The following MYBL2 variants were observed in gnomAD, a reference collection of about 807,000 sequenced individuals.
The protein encoded by MYBL2 is myb-related protein B.
MYBL2 carries 28 observed loss-of-function variants against 79.9 expected under a neutral mutation model. That is an observed-to-expected ratio of 0.35 (90% CI 0.26 to 0.48). The LOEUF (loss-of-function observed/expected upper bound fraction) is 0.48. Among genes scored for constraint, MYBL2 ranks in the 20% least tolerant of loss-of-function variants. The probability of loss-of-function intolerance (pLI) is 0.99; values close to 1 mark genes in which losing one functional copy is unlikely to be tolerated. For missense variants in MYBL2, 735 were observed against 893.9 expected (o/e 0.82, Z 2.27); for synonymous variants, 378 against 361.2 (o/e 1.05, Z -0.53).
At chr20:43,696,274 C>G (rs965988544) in intron 6 of MYBL2, among the ~76,000 whole-genome samples, 4 of 150,626 alleles carry the variant, frequency 2.7e-5, no homozygotes, top group African/African-American at 9.8e-5. Context: ...GAGTTTTGCT[C>G]TTGTTGCCCA....
intron 5 of MYBL2, among the ~76,000 whole-genome samples, chr20:43,688,843 G>A (rs1226498434): frequency 6.6e-6 from 1 of 152,074 alleles, no homozygotes; most frequent in East Asian, 1.9e-4. Flanking sequence ...AGGCTGGAGT[G>A]TAGTGGCATG....
intron 2 of MYBL2, among the ~76,000 whole-genome samples, chr20:43,678,558 C>T (rs1026823108): frequency 1.3e-5 from 2 of 151,670 alleles, no homozygotes; most frequent in Admixed American, 6.6e-5. Flanking sequence ...TGTGGGGGAT[C>T]GATAAGAGAG....
At chr20:43,714,056 G>C (rs1180593842) in intron 12 of MYBL2, among the ~76,000 whole-genome samples, 1 of 152,166 alleles carries the variant, frequency 6.6e-6, no homozygotes, top group Non-Finnish European at 1.5e-5. Context: ...CTGCAGCCAG[G>C]TTACTGCAAA....
At chr20:43,705,561 C>G (rs1193131710) in intron 9 of MYBL2, among the ~76,000 whole-genome samples, 1 of 152,158 alleles carries the variant, frequency 6.6e-6, no homozygotes, top group Non-Finnish European at 1.5e-5. Context: ...TTTGCTTTTC[C>G]TCATTTGTAT....
intron 5 of MYBL2, among the ~76,000 whole-genome samples, chr20:43,687,498 GTTTTTC>G (rs1367380079): frequency 6.6e-6 from 1 of 151,976 alleles, no homozygotes; most frequent in Admixed American, 6.6e-5. Flanking sequence ...GGTGTTTTTT[GTTTTTC>G]TTTTTCTTAA....
intron 2 of MYBL2, among the ~76,000 whole-genome samples, chr20:43,679,196 T>C (rs1987088657): frequency 6.6e-6 from 1 of 152,192 alleles, no homozygotes; most frequent in Non-Finnish European, 1.5e-5. Flanking sequence ...AGAGAATTTA[T>C]GGTGACTTTG....
At chr20:43,691,455 G>A (rs1987406059) in intron 5 of MYBL2, among the ~76,000 whole-genome samples, 1 of 151,926 alleles carries the variant, frequency 6.6e-6, no homozygotes, top group African/African-American at 2.4e-5. Flanking sequence ...CCAAGTAGCT[G>A]GGATTACAGG....
chr20:43,674,468 C>T (rs1986956610), intron 2 of MYBL2, among the ~76,000 whole-genome samples: 1 of 151,586 alleles, frequency 6.6e-6, no homozygotes, highest in South Asian at 2.1e-4. Context: ...CTCACTGCAA[C>T]CTCTGCCTCC....
intron 2 of MYBL2, among the ~76,000 whole-genome samples, chr20:43,680,753 A>G (rs1987124289): frequency 6.6e-6 from 1 of 152,138 alleles, no homozygotes; most frequent in South Asian, 2.1e-4. Flanking sequence ...ACGGCCTCCC[A>G]AAGTGCTGGG....
In MYBL2 at chr20:43,685,867, G is replaced by A. The variant is rs573299307; in HGVS notation, c.280-985G>A. Among the ~76,000 whole-genome samples the A allele has an allele frequency of 2.7e-3, 417 of 151,756 alleles. 2 individuals carry two copies. The highest frequency in any genetic ancestry group is 4.8e-3 in the Non-Finnish European group (324 of 67,918). On this transcript the variant is annotated intron_variant, in intron 4 of 13. Coordinates refer to ENST00000217026, the MANE Select transcript of MYBL2 (RefSeq NM_002466.4). ...AGCCTTATCAACATGGAGAAACCCC[G>A]TCTCTACTAAAAATACAAAATTAGC...
In MYBL2 at chr20:43,715,162, G is replaced by T; in HGVS notation, c.1853G>T (p.Ser618Ile). Residue 618 changes from serine to isoleucine, a missense_variant, in exon 13 of 14, where the codon AGC becomes ATC. By Grantham distance (142) the Ser-to-Ile change is moderately radical (BLOSUM62 -2). Around this residue, in one of 5 missense-constraint regions of MYBL2, gnomAD observed 204 missense variants for 202.9 expected, o/e 1.01. Coordinates refer to ENST00000217026, the MANE Select transcript of MYBL2 (RefSeq NM_002466.4). ...ACAACTGCCCCTTCAAACTCTTCCA[G>T]CCTCACCCTGTCAGGTATCAAAGAA... is the stretch of plus-strand genomic sequence containing the variant. ...LPTTAPSNSS[S>I]LTLSGIKEDN... 6.2e-7 allele frequency: 1 copy of T among 1,614,170 alleles called. No individual in the cohort carries two copies. The highest frequency in any genetic ancestry group is 8.5e-7 in the Non-Finnish European group (1 of 1,180,036).
chr20:43,685,622 T>G (rs1987254244), intron 4 of MYBL2, among the ~76,000 whole-genome samples: 1 of 152,070 alleles, frequency 6.6e-6, no homozygotes, highest in African/African-American at 2.4e-5. Context: ...CCAGGTGTCT[T>G]GGTGTGCCTG....
At chr20:43,696,242 ACTT>A (rs576772898) in intron 6 of MYBL2, among the ~76,000 whole-genome samples, 205 of 150,086 alleles carry the variant, frequency 1.4e-3, no homozygotes, top group South Asian at 8.0e-3. Context: ...GCTCATCTCA[ACTT>A]TTTTTTTTTT....
intron 9 of MYBL2, among the ~76,000 whole-genome samples, chr20:43,706,193 C>T (rs143760814): frequency 1.0e-3 from 154 of 152,232 alleles, no homozygotes; most frequent in African/African-American, 3.4e-3. Flanking sequence ...TAATCTCTTC[C>T]GCTTCCTAAG....
chr20:43,686,750 G>A, intron 4 of MYBL2, 102 bp from the exon 5 acceptor site: 2 of 1,132,080 alleles, frequency 1.8e-6, no homozygotes, highest in East Asian at 5.0e-5. Flanking sequence ...GTGGTAGGTG[G>A]CACCTCTCAG....
intron 2 of MYBL2, among the ~76,000 whole-genome samples, chr20:43,678,838 C>T (rs1374168818): frequency 1.1e-5 from 1 of 90,206 alleles, no homozygotes; most frequent in Non-Finnish European, 2.0e-5. Flanking sequence ...GCCTGGACAA[C>T]AAGAGCAAAA....
chr20:43,714,607 C>G (rs1987986238), intron 12 of MYBL2, among the ~76,000 whole-genome samples: 1 of 151,488 alleles, frequency 6.6e-6, no homozygotes, highest in Non-Finnish European at 1.5e-5. Flanking sequence ...TAAGAAAGTT[C>G]TTTAGAACAA....
intron 6 of MYBL2, 106 bp downstream of exon 6, chr20:43,692,425 C>A: frequency 7.0e-7 from 1 of 1,419,428 alleles, no homozygotes; most frequent in South Asian, 1.4e-5. Context: ...GCCACAGAGT[C>A]TAAAAGTGGG....
At chr20:43,692,574 T>C (rs763734036) in intron 6 of MYBL2, among the ~76,000 whole-genome samples, 3 of 152,190 alleles carry the variant, frequency 2.0e-5, no homozygotes, top group African/African-American at 4.8e-5. Context: ...CTCTCCTTGC[T>C]GGTGGCCACC....
Sources: allele counts gnomAD v4.1 joint callset (sites outside exome capture counted in the v4.1 genomes callset), GRCh38; gene constraint gnomAD v4.1.1; regional missense constraint gnomAD v4.1.1; transcripts MANE v1.5; gene names NCBI Gene and HGNC (gene_info 2026-07-23, HGNC 2026-07-21).